The following KCTD8 variants were observed in gnomAD, a reference collection of about 807,000 sequenced individuals.
KCTD8 encodes the protein potassium channel tetramerization domain containing 8, also known as BTB/POZ domain-containing protein KCTD8.
In KCTD8, 27 loss-of-function variants were observed where a neutral mutation model predicts 31.5. The observed-to-expected ratio is 0.86, with a 90% CI of 0.63 to 1.18. The LOEUF is 1.18. Among genes scored for constraint, KCTD8 ranks in the 50% most tolerant of loss-of-function variants. KCTD8 has a pLI of 0.00. For missense variants in KCTD8, 658 were observed against 647.7 expected, an observed-to-expected ratio of 1.02 and a Z score of -0.17; for synonymous variants, 290 against 280.0, an observed-to-expected ratio of 1.04 and a Z score of -0.36.
chr4:44,443,670 C>T (rs1356087563), intron 1 of KCTD8, among the ~76,000 whole-genome samples: 7 of 152,164 alleles, frequency 4.6e-5, no homozygotes, highest in Non-Finnish European at 8.8e-5. Context: ...CATTCACACA[C>T]ATACTGCTCA....
intron 1 of KCTD8, among the ~76,000 whole-genome samples, chr4:44,374,450 G>T (rs533983804): frequency 6.6e-6 from 1 of 152,130 alleles, no homozygotes; most frequent in South Asian, 2.1e-4. Context: ...TCACTAATAA[G>T]GTTGTTACAC....
chr4:44,193,297 T>G (rs1381344991), intron 1 of KCTD8, among the ~76,000 whole-genome samples: 3 of 152,278 alleles, frequency 2.0e-5, no homozygotes, highest in Non-Finnish European at 4.4e-5. Flanking sequence ...TCATGTTTAT[T>G]TTACACATTA....
chr4:44,375,408 G>A (rs1278408142), intron 1 of KCTD8, among the ~76,000 whole-genome samples: 6 of 152,046 alleles, frequency 3.9e-5, no homozygotes, highest in East Asian at 1.9e-4. Context: ...AATGAAGGGG[G>A]TGGAGGAACA....
intron 1 of KCTD8, among the ~76,000 whole-genome samples, chr4:44,271,518 G>T (rs1030919727): frequency 6.6e-6 from 1 of 151,996 alleles, no homozygotes; most frequent in Non-Finnish European, 1.5e-5. Flanking sequence ...CCCAAAACTG[G>T]CCATAAACAA....
chr4:44,426,910 A>C (rs1390524312), intron 1 of KCTD8, among the ~76,000 whole-genome samples: 1 of 151,728 alleles, frequency 6.6e-6, no homozygotes, highest in African/African-American at 2.4e-5. Flanking sequence ...ATATGTGCAA[A>C]TTCCAAAATG....
Position 44,300,440 on chromosome 4 carries a change from C to T in KCTD8, c.962-125190G>A, listed in dbSNP as rs187569106. 2.7e-3 allele frequency among the ~76,000 whole-genome samples: 411 copies of T among 152,012 alleles called. 1 individual carries two copies. Among genetic ancestry groups the T allele is most frequent in the Middle Eastern group, 0.01 (3 of 294 alleles). On this transcript the variant is annotated intron_variant, in intron 1 of 1. Coordinates refer to ENST00000360029, the MANE Select transcript of KCTD8 (RefSeq NM_198353.3). ...TTTGAAATATTCTATTAAAAGGTTACGGAAAAGAATAATCAGTTTTGCAAT... is the reference window on the plus strand; with the variant it reads ...TTTGAAATATTCTATTAAAAGGTTATGGAAAAGAATAATCAGTTTTGCAAT...
At chr4:44,287,817 CA>C (rs1271871541) in intron 1 of KCTD8, among the ~76,000 whole-genome samples, 1 of 152,112 alleles carries the variant, frequency 6.6e-6, no homozygotes, top group African/African-American at 2.4e-5. Flanking sequence ...CACTACAAAT[CA>C]ATAGAAGATA....
At chr4:44,186,243 T>C (rs764306663) in intron 1 of KCTD8, among the ~76,000 whole-genome samples, 22 of 152,232 alleles carry the variant, frequency 1.4e-4, no homozygotes, top group Middle Eastern at 3.4e-3. Context: ...GGGGGAGCGA[T>C]GTGGCGGCGG....
intron 1 of KCTD8, among the ~76,000 whole-genome samples, chr4:44,304,818 C>T (rs1717752072): frequency 6.6e-6 from 1 of 151,938 alleles, no homozygotes; most frequent in African/African-American, 2.4e-5. Flanking sequence ...ATGATGGTGG[C>T]CACAAAAATA....
At chr4:44,443,956 GT>G (rs1721872830) in intron 1 of KCTD8, among the ~76,000 whole-genome samples, 2 of 152,126 alleles carry the variant, frequency 1.3e-5, no homozygotes, top group South Asian at 2.1e-4. Context: ...ATAAATCACT[GT>G]TTTTCCCCCA....
At chr4:44,411,092 A>T (rs1331814529) in intron 1 of KCTD8, among the ~76,000 whole-genome samples, 1 of 152,152 alleles carries the variant, frequency 6.6e-6, no homozygotes, top group East Asian at 1.9e-4. Context: ...AAAACTCCAT[A>T]TGTCTCACAA....
At chr4:44,370,283 C>A (rs1046175670) in intron 1 of KCTD8, among the ~76,000 whole-genome samples, 1 of 152,052 alleles carries the variant, frequency 6.6e-6, no homozygotes, top group African/African-American at 2.4e-5. Context: ...CATAAGAAGA[C>A]CAGACATTTG....
At chr4:44,293,648 G>T (rs970168611) in intron 1 of KCTD8, among the ~76,000 whole-genome samples, 1 of 151,870 alleles carries the variant, frequency 6.6e-6, no homozygotes, top group Non-Finnish European at 1.5e-5. Context: ...TGGTGAGTTA[G>T]GTTGGTTAGT....
intron 1 of KCTD8, among the ~76,000 whole-genome samples, chr4:44,208,198 C>T (rs1714374178): frequency 6.6e-6 from 1 of 152,166 alleles, no homozygotes. Context: ...CTATTCTTTT[C>T]CATTGTTGTA....
intron 1 of KCTD8, among the ~76,000 whole-genome samples, chr4:44,180,757 C>A (rs1713357405): frequency 6.6e-6 from 1 of 152,176 alleles, no homozygotes; most frequent in Non-Finnish European, 1.5e-5. Context: ...ATATTCGGTT[C>A]TTTTTGGTTA....
At chr4:44,336,421 A>C (rs1289507178) in intron 1 of KCTD8, among the ~76,000 whole-genome samples, 1 of 151,854 alleles carries the variant, frequency 6.6e-6, no homozygotes, top group Admixed American at 6.6e-5. Context: ...AGAATAAATT[A>C]TCTCTTTAAA....
At chr4:44,307,330 T>C (rs558084350) in intron 1 of KCTD8, among the ~76,000 whole-genome samples, 62 of 152,058 alleles carry the variant, frequency 4.1e-4, no homozygotes, top group African/African-American at 1.4e-3. Flanking sequence ...ATTAATCAAA[T>C]TTACATAGTT....
At chr4:44,415,490 C>T (rs1363874472) in intron 1 of KCTD8, among the ~76,000 whole-genome samples, 4 of 152,108 alleles carry the variant, frequency 2.6e-5, no homozygotes, top group Admixed American at 6.6e-5. Flanking sequence ...TTCAAGTCTT[C>T]TAGACAGTTC....
At chr4:44,306,305 T>C (rs1290354434) in intron 1 of KCTD8, among the ~76,000 whole-genome samples, 1 of 152,068 alleles carries the variant, frequency 6.6e-6, no homozygotes, top group African/African-American at 2.4e-5. Context: ...AGTATGATAC[T>C]ATCATTATAT....
Sources: gnomAD v4.1 joint callset for allele counts (sites outside exome capture counted in the v4.1 genomes callset) on GRCh38, gnomAD v4.1.1 for gene constraint, MANE v1.5 for transcripts, NCBI Gene and HGNC (gene_info 2026-07-23, HGNC 2026-07-21) for gene names.